Variants in ZNF134 observed in about 807,000 individuals in gnomAD.
ZNF134 encodes the protein zinc finger protein 134, also known as zinc finger protein 134 (clone pHZ-15).
ZNF134 carries 5 observed loss-of-function variants against 2.5 expected under a neutral mutation model. The ratio of observed to expected loss-of-function variants is 2.03; its 90% confidence interval spans 1.06 to 4.27. The LOEUF is 4.27. Ranked by LOEUF, ZNF134 falls within the 30% of genes most tolerant of loss-of-function variation. The pLI is 0.00. For synonymous variants in ZNF134, 176 were observed against 176.2 expected (o/e 1.00, Z 0.01); for missense variants, 540 against 517.5 (o/e 1.04, Z -0.42).
intron 1 of ZNF134, among the ~76,000 whole-genome samples, chr19:57,615,506 A>C (rs2123474953): frequency 6.6e-6 from 1 of 152,012 alleles, no homozygotes; most frequent in Admixed American, 6.6e-5. Flanking sequence ...GCAAAGTGAA[A>C]CCAGCACTCA....
chr19:57,615,357 G>A (rs982763991), intron 1 of ZNF134, among the ~76,000 whole-genome samples: 1 of 151,906 alleles, frequency 6.6e-6, no homozygotes, highest in Non-Finnish European at 1.5e-5. Flanking sequence ...TATTTTGTGT[G>A]GTCTCTGAAG....
In ZNF134 at chr19:57,614,401, C is replaced by G. The variant is rs920955516; in HGVS notation, c.-160C>G. On this transcript the variant is annotated 5_prime_UTR_variant, in exon 1 of 3. Transcript: ENST00000396161. ...AAGACCCCGCCTGCGCCCCCGGGGA[C>G]GGACGACCGCGGTGCCAGGGTCCCG... is the stretch of plus-strand genomic sequence containing the variant. 4.4e-6 allele frequency: 2 copies of G among 451,170 alleles called. No homozygotes were observed. Among genetic ancestry groups the G allele is most frequent in the Non-Finnish European group, 8.9e-6 (2 of 224,620 alleles). 27.9% of individuals were successfully genotyped at this position (451,170 alleles called of 1,614,324 possible). A position where few individuals can be genotyped will look rare whatever the true frequency, so the allele number is the denominator to read the frequency against.
At chr19:57,620,110 C>G in intron 2 of ZNF134, 50 bp from the exon 3 acceptor site, 1 of 1,573,686 alleles carries the variant, frequency 6.4e-7, no homozygotes, top group Non-Finnish European at 8.6e-7. Flanking sequence ...ATGTAGTTGC[C>G]CCACCCACCA....
intron 1 of ZNF134, among the ~76,000 whole-genome samples, chr19:57,615,607 G>A (rs1214387504): frequency 3.3e-5 from 5 of 152,144 alleles, no homozygotes. Context: ...AACAAAGGAG[G>A]GAAGGGGTTT....
intron 2 of ZNF134, chr19:57,619,748 T>C (rs1039537373): frequency 2.1e-5 from 12 of 576,526 alleles, no homozygotes; most frequent in South Asian, 1.4e-4. Flanking sequence ...CTTTCCAATA[T>C]TGTACTACAC....
At position 57,620,764 on chromosome 19, in the gene ZNF134, C is replaced by G; in HGVS notation, c.645C>G (p.Arg215=). 1.2e-6 allele frequency: 2 copies of G among 1,612,682 alleles called. No individual in the cohort carries two copies. The highest frequency in any genetic ancestry group is 1.7e-6 in the Non-Finnish European group (2 of 1,178,788). ...ECSECGKAFS[R]KATLVQHQRI... is the part of the protein sequence containing the mutation. ...GCGAATGTGGGAAAGCCTTCAGCCGCAAAGCTACACTTGTCCAGCATCAGA... is the reference window on the plus strand; with the variant it reads ...GCGAATGTGGGAAAGCCTTCAGCCGGAAAGCTACACTTGTCCAGCATCAGA... Residue 215 remains arginine (R), a synonymous_variant, in exon 3 of 3, where the codon CGC becomes CGG. Coordinates refer to ENST00000396161, the MANE Select transcript of ZNF134 (RefSeq NM_003435.5).
chr19:57,622,323 C>A lies in ZNF134; in HGVS notation c.*920C>A, dbSNP rs1278031010. The A allele has an allele frequency of 2.0e-5, 3 of 152,228 alleles. No homozygotes were observed. Among genetic ancestry groups the A allele is most frequent in the African/African-American group, 7.2e-5 (3 of 41,424 alleles). 9.4% of individuals were successfully genotyped at this position (152,228 alleles called of 1,614,324 possible). On this transcript the variant is annotated 3_prime_UTR_variant, in exon 3 of 3. Coordinates refer to ENST00000396161, the MANE Select transcript of ZNF134 (RefSeq NM_003435.5). Reference sequence around the variant, plus strand: ...GCTGAGTGGCCATATTCCCTGAAGGCCTGAATCTGTTTCACAGGCCACTGT... The same window carrying A: ...GCTGAGTGGCCATATTCCCTGAAGGACTGAATCTGTTTCACAGGCCACTGT...
chr19:57,619,857 C>T (rs576737571), intron 2 of ZNF134, among the ~76,000 whole-genome samples: 37 of 152,314 alleles, frequency 2.4e-4, no homozygotes, highest in Non-Finnish European at 3.7e-4. Flanking sequence ...ACTCACATTT[C>T]GCATAGGAGT....
At chr19:57,614,643 C>G (rs1043604676) in intron 1 of ZNF134, 140 bp downstream of exon 1, 12 of 318,572 alleles carry the variant, frequency 3.8e-5, no homozygotes, top group Non-Finnish European at 6.8e-5. Context: ...GTGTGACTGG[C>G]AGAGGGGCAG....
Position 57,620,399 on chromosome 19 carries a change from C to T in ZNF134, c.280C>T (p.His94Tyr), listed in dbSNP as rs1167436895. The change falls in exon 3 of 3, where the codon CAT (histidine) becomes TAT (tyrosine). Residue 94 changes from histidine to tyrosine, a missense_variant. His to Tyr is a moderately conservative substitution (Grantham distance 83). Transcript: ENST00000396161. Reference sequence around the variant, plus strand: ...ACAATTCTGGTTCAGTGCAAACCTTCATCAGTACCAGAAGTGTTACAGTAT... The same window carrying T: ...ACAATTCTGGTTCAGTGCAAACCTTTATCAGTACCAGAAGTGTTACAGTAT... The part of the protein sequence containing the change: ...GRQFWFSANL[H>Y]QYQKCYSIEQ... The T allele has an allele frequency of 3.1e-6, 5 of 1,614,100 alleles. No homozygotes were observed. The highest frequency in any genetic ancestry group is 1.3e-5 in the African/African-American group (1 of 74,936).
Position 57,621,600 on chromosome 19 carries a change from C to G in ZNF134, c.*197C>G, listed in dbSNP as rs1568631089. On this transcript the variant is annotated 3_prime_UTR_variant, in exon 3 of 3. Coordinates refer to ENST00000396161, the MANE Select transcript of ZNF134 (RefSeq NM_003435.5). ...TGTGGCCGAAACCATCTTAACTCTACCAGCTAAGATACCCCAGCATTGGGG... is the reference window on the plus strand; with the variant it reads ...TGTGGCCGAAACCATCTTAACTCTAGCAGCTAAGATACCCCAGCATTGGGG... 1 of 849,242 alleles carries G rather than the reference C, an allele frequency of 1.2e-6. No individual in the cohort carries two copies. Among genetic ancestry groups the G allele is most frequent in the Middle Eastern group, 2.2e-4 (1 of 4,574 alleles). 52.6% of individuals were successfully genotyped at this position (849,242 alleles called of 1,614,324 possible).
chr19:57,615,362 C>T (rs1185606704), intron 1 of ZNF134, among the ~76,000 whole-genome samples: 1 of 151,832 alleles, frequency 6.6e-6, no homozygotes, highest in Admixed American at 6.6e-5. Context: ...TGTGTGGTCT[C>T]TGAAGTGAGA....
chr19:57,621,847 C>T lies in ZNF134; in HGVS notation c.*444C>T. 1 of 301,212 alleles carries T rather than the reference C, an allele frequency of 3.3e-6. No individual in the cohort carries two copies. The highest frequency in any genetic ancestry group is 3.2e-5 in the South Asian group (1 of 31,234). 18.7% of individuals were successfully genotyped at this position (301,212 alleles called of 1,614,324 possible). On this transcript the variant is annotated 3_prime_UTR_variant, in exon 3 of 3. Coordinates refer to ENST00000396161, the MANE Select transcript of ZNF134 (RefSeq NM_003435.5). ...CTTGTAATCAAGTTTTTCCAGCCTCCAAGTCACCTGGCCTGGGAAAGTACT... is the reference window on the plus strand; with the variant it reads ...CTTGTAATCAAGTTTTTCCAGCCTCTAAGTCACCTGGCCTGGGAAAGTACT...
At chr19:57,617,874 CAG>C (rs764802552) in intron 1 of ZNF134, among the ~76,000 whole-genome samples, 7 of 152,192 alleles carry the variant, frequency 4.6e-5, no homozygotes, top group Admixed American at 2.6e-4. Context: ...GCGTTCCAGG[CAG>C]AGAGTGGATG....
At chr19:57,620,114 C>T (rs954361213) in intron 2 of ZNF134, 46 bp from the exon 3 acceptor site, 1 of 1,577,450 alleles carries the variant, frequency 6.3e-7, no homozygotes, top group African/African-American at 1.3e-5. Flanking sequence ...AGTTGCCCCA[C>T]CCACCAAAGT....
chr19:57,615,084 GT>G (rs973672977), intron 1 of ZNF134, among the ~76,000 whole-genome samples: 2 of 152,086 alleles, frequency 1.3e-5, no homozygotes, highest in African/African-American at 4.8e-5. Flanking sequence ...GCTATCCAGG[GT>G]TTTTTTGGCC....
chr19:57,615,157 T>G (rs762934371), intron 1 of ZNF134, among the ~76,000 whole-genome samples: 15 of 152,086 alleles, frequency 9.9e-5, no homozygotes, highest in Non-Finnish European at 1.9e-4. Context: ...GGAGCACGTT[T>G]CAGGGGCATC....
rs151281401 is a variant in ZNF134 at position 57,624,281 on chromosome 19, A to G, written c.*2878A>G. On this transcript the variant is annotated 3_prime_UTR_variant, in exon 3 of 3. Transcript: ENST00000396161. ...CCAACCTTTTGTTTGGGAGCAGATA[A>G]CTAGTTTTCTAGTTTTACAGATCCA... 1 of 152,308 alleles carries G rather than the reference A, an allele frequency of 6.6e-6. No homozygotes were observed. Among genetic ancestry groups the G allele is most frequent in the Non-Finnish European group, 1.5e-5 (1 of 68,048 alleles). 9.4% of individuals were successfully genotyped at this position (152,308 alleles called of 1,614,324 possible).
At chr19:57,619,155 G>A (rs867568281) in intron 1 of ZNF134, among the ~76,000 whole-genome samples, 1 of 152,086 alleles carries the variant, frequency 6.6e-6, no homozygotes, top group Non-Finnish European at 1.5e-5. Context: ...CCCTGGCCAG[G>A]TGACTGTCCA....
Sources: allele counts gnomAD v4.1 joint callset (sites outside exome capture counted in the v4.1 genomes callset), GRCh38; gene constraint gnomAD v4.1.1; transcripts MANE v1.5; gene names NCBI Gene and HGNC (gene_info 2026-07-23, HGNC 2026-07-21).